RAB3B: variants seen among roughly 807,000 people sequenced by gnomAD.
The protein encoded by RAB3B is RAB3B, member RAS oncogene family.
Under a neutral mutation model 20.5 loss-of-function variants are expected in RAB3B, and 11 were observed. The ratio of observed to expected loss-of-function variants is 0.54; its 90% CI spans 0.34 to 0.89. The LOEUF (loss-of-function observed/expected upper bound fraction) is 0.89, where lower values mean the gene tolerates loss of function less well. RAB3B is among the 40% of genes least tolerant of loss of function. The pLI, the probability that RAB3B is intolerant of heterozygous loss-of-function variation, is 0.02. For synonymous variants in RAB3B, 99 were observed against 106.3 expected, an observed-to-expected ratio of 0.93 and a Z score of 0.42; for missense variants, 225 against 280.9, an observed-to-expected ratio of 0.80 and a Z score of 1.42.
intron 2 of RAB3B, among the ~76,000 whole-genome samples, chr1:51,968,150 C>A (rs1684881919): frequency 6.6e-6 from 1 of 152,136 alleles, no homozygotes; most frequent in Non-Finnish European, 1.5e-5. Context: ...AGATGCCCCC[C>A]AGATGAGGCC....
chr1:51,990,424 G>T (rs1170062110), intron 1 of RAB3B, 128 bp downstream of exon 1: 1 of 145,832 alleles, frequency 6.9e-6, no homozygotes, highest in Non-Finnish European at 1.5e-5. Context: ...CCCCTCCCTC[G>T]CTCCTCCCCC....
At chr1:51,967,115 C>T (rs752148730) in intron 2 of RAB3B, among the ~76,000 whole-genome samples, 1 of 152,140 alleles carries the variant, frequency 6.6e-6, no homozygotes, top group East Asian at 1.9e-4. Flanking sequence ...GAGTTTGAAA[C>T]CAGCCTGGCC....
In RAB3B at chr1:51,915,675, G is replaced by GT. The variant is rs1007989885; in HGVS notation, c.*4251dup. The stretch of plus-strand genomic sequence containing the variant: ...TTTGCGTCTTTAGAAGTCAAGAGGT[G>GT]TTTTTTGTTGTTGTTGTTTGTTTGC... On this transcript the variant is annotated 3_prime_UTR_variant, in exon 5 of 5. Transcript: ENST00000371655. 9.5e-6 allele frequency: 1 copy of GT among 104,946 alleles called. No homozygotes were observed. Among genetic ancestry groups the GT allele is most frequent in the Non-Finnish European group, 2.2e-5 (1 of 44,898 alleles). The allele number at this position is 104,946 out of a possible 1,614,324, so 6.5% of individuals were successfully genotyped here. A position where few individuals can be genotyped will look rare whatever the true frequency, so the allele number is the denominator to read the frequency against.
intron 4 of RAB3B, among the ~76,000 whole-genome samples, chr1:51,924,323 G>A (rs1684214815): frequency 6.6e-6 from 1 of 152,192 alleles, no homozygotes; most frequent in Non-Finnish European, 1.5e-5. Flanking sequence ...AGGGAAGCCA[G>A]GGGATTGTCA....
chr1:51,972,489 C>CTTTTT (rs1160625371), intron 2 of RAB3B, among the ~76,000 whole-genome samples: 2 of 130,860 alleles, frequency 1.5e-5, no homozygotes, highest in Non-Finnish European at 3.3e-5. Context: ...TTTCTTTTTT[C>CTTTTT]TTTTTTTTTT....
intron 1 of RAB3B, among the ~76,000 whole-genome samples, 192 bp downstream of exon 1, chr1:51,990,360 A>C: frequency 7.5e-6 from 1 of 133,186 alleles, no homozygotes; most frequent in Non-Finnish European, 1.6e-5. Flanking sequence ...AACGTCTGGG[A>C]GACCCCCTCG....
intron 3 of RAB3B, among the ~76,000 whole-genome samples, chr1:51,935,133 A>G (rs1269890662): frequency 6.6e-6 from 1 of 152,204 alleles, no homozygotes; most frequent in Non-Finnish European, 1.5e-5. Context: ...TGATAAATGA[A>G]CGAGCCAGTG....
At chr1:51,990,273 C>T (rs1336446760) in intron 1 of RAB3B, among the ~76,000 whole-genome samples, 3 of 105,738 alleles carry the variant, frequency 2.8e-5, no homozygotes, top group Non-Finnish European at 3.8e-5. Flanking sequence ...CCTCCAGTTG[C>T]CCCCCATCTC....
chr1:51,978,622 T>A (rs1162565468), intron 1 of RAB3B, among the ~76,000 whole-genome samples: 1 of 152,196 alleles, frequency 6.6e-6, no homozygotes, highest in African/African-American at 2.4e-5. Flanking sequence ...TTTAATTGCT[T>A]CTCCTATGTC....
chr1:51,971,355 C>T (rs1684931406), intron 2 of RAB3B, among the ~76,000 whole-genome samples: 1 of 151,982 alleles, frequency 6.6e-6, no homozygotes, highest in Non-Finnish European at 1.5e-5. Context: ...GGATAAGTTC[C>T]AAGACCCTCA....
chr1:51,981,840 C>T (rs535212730), intron 1 of RAB3B, among the ~76,000 whole-genome samples: 108 of 152,262 alleles, frequency 7.1e-4, no homozygotes, highest in African/African-American at 2.5e-3. Context: ...AACAAACCTA[C>T]TGCATTGCCA....
chr1:51,942,676 G>A (rs1030915255), intron 2 of RAB3B, among the ~76,000 whole-genome samples: 3 of 152,186 alleles, frequency 2.0e-5, no homozygotes, highest in South Asian at 2.1e-4. Flanking sequence ...TCTATGAAGC[G>A]GGAATAATAA....
intron 4 of RAB3B, among the ~76,000 whole-genome samples, chr1:51,931,743 C>A (rs1684327129): frequency 6.6e-6 from 1 of 151,968 alleles, no homozygotes; most frequent in Admixed American, 6.6e-5. Flanking sequence ...AGAGCTCTGG[C>A]AGGGGGCTGG....
chr1:51,920,290 T>C (rs781173399), intron 4 of RAB3B, among the ~76,000 whole-genome samples, 176 bp from the exon 5 acceptor site: 13 of 152,182 alleles, frequency 8.5e-5, no homozygotes, highest in Admixed American at 3.9e-4. Flanking sequence ...GGCAGGAGTT[T>C]CCTGCACTGG....
At chr1:51,940,982 G>A (rs560450057) in intron 2 of RAB3B, among the ~76,000 whole-genome samples, 1 of 152,120 alleles carries the variant, frequency 6.6e-6, no homozygotes, top group Non-Finnish European at 1.5e-5. Flanking sequence ...CAACTTTCAA[G>A]GGGTAAGAAA....
Position 51,908,628 on chromosome 1 carries a change from C to G in RAB3B, c.*11299G>C, listed in dbSNP as rs1175290232. The G allele has an allele frequency of 2.0e-5, 3 of 151,804 alleles. No individual in the cohort carries two copies. The highest frequency in any genetic ancestry group is 2.0e-4 in the Admixed American group (3 of 15,208). 9.4% of individuals were successfully genotyped at this position (151,804 alleles called of 1,614,324 possible). On this transcript the variant is annotated 3_prime_UTR_variant, in exon 5 of 5. Transcript: ENST00000371655. ...CTTCTCTCCCACAAGCAGAGGAAGT[C>G]ATACGTAGACAAAACAGATGTTTAG...
chr1:51,964,050 A>AC (rs1684816192), intron 2 of RAB3B, among the ~76,000 whole-genome samples: 1 of 151,878 alleles, frequency 6.6e-6, no homozygotes, highest in African/African-American at 2.4e-5. Flanking sequence ...TTCAGCTACC[A>AC]CCCCAATTGT....
In RAB3B at chr1:51,986,143, C is replaced by A. The variant is rs912493407; in HGVS notation, c.-1+4409G>T. The stretch of plus-strand genomic sequence containing the variant: ...GAAACATAGTGAGATTCCATTTCTA[C>A]GAATTTTTTTTTTTTTTTTTTTTTT... On this transcript the variant is annotated intron_variant, in intron 1 of 4. Coordinates refer to ENST00000371655, the MANE Select transcript of RAB3B (RefSeq NM_002867.4). Among the ~76,000 whole-genome samples the A allele has an allele frequency of 6.3e-5, 8 of 126,794 alleles. No homozygotes were observed. In the East Asian group the frequency reaches 1.2e-3, roughly 20 times the overall value. 83.2% of individuals were successfully genotyped at this position (126,794 alleles called of 152,430 possible).
At chr1:51,962,823 A>G (rs1479280001) in intron 2 of RAB3B, among the ~76,000 whole-genome samples, 1 of 152,144 alleles carries the variant, frequency 6.6e-6, no homozygotes, top group East Asian at 1.9e-4. Context: ...TAAAGCCTCT[A>G]AATTGTTGCT....
Sources: gnomAD v4.1 joint callset for allele counts (sites outside exome capture counted in the v4.1 genomes callset) on GRCh38, gnomAD v4.1.1 for gene constraint, MANE v1.5 for transcripts, NCBI Gene and HGNC (gene_info 2026-07-23, HGNC 2026-07-21) for gene names.